The following FAM120B variants were observed in gnomAD, a reference collection of about 807,000 sequenced individuals.
FAM120B encodes the protein family with sequence similarity 120 member B.
FAM120B carries 83 observed loss-of-function variants against 96.3 expected under a neutral mutation model. That is an observed-to-expected ratio of 0.86 (90% confidence interval 0.72 to 1.03). The LOEUF is 1.03. Ranked by LOEUF, FAM120B falls within the 50% of genes least tolerant of loss-of-function variation. The pLI is 0.00. For synonymous variants in FAM120B, 407 were observed against 402.7 expected, an observed-to-expected ratio of 1.01 and a Z score of -0.13; for missense variants, 1,027 against 1,121.2, an observed-to-expected ratio of 0.92 and a Z score of 1.20.
upstream of FAM120B, among the ~76,000 whole-genome samples, chr6:170,303,768 T>C (rs1784191863): frequency 6.6e-6 from 1 of 152,272 alleles, no homozygotes. Context: ...AATTATCTTG[T>C]TATAATTACA....
Position 170,330,497 on chromosome 6 carries a change from G to A in FAM120B, c.1964G>A (p.Gly655Glu). The change falls in exon 4 of 11, where the codon GGG (glycine) becomes GAG (glutamate). Residue 655 changes from glycine to glutamate, a missense_variant. By Grantham distance (98) the Gly-to-Glu change is moderately conservative (BLOSUM62 -2). This residue lies in a region of FAM120B where 880 missense variants were observed against 980.9 expected (regional missense o/e 0.90). Coordinates refer to ENST00000476287, the MANE Select transcript of FAM120B (RefSeq NM_032448.3). Reference sequence around the variant, plus strand: ...GTCAAGGAGTGGTTTGTGTATCCTGGGAACCCACTGAGGCACCCGGACCTC... The same window carrying A: ...GTCAAGGAGTGGTTTGTGTATCCTGAGAACCCACTGAGGCACCCGGACCTC... ...LAVKEWFVYPGNPLRHPDLVR... is the reference protein window; with the variant it reads ...LAVKEWFVYPENPLRHPDLVR... 6.2e-7 allele frequency: 1 copy of A among 1,614,092 alleles called. No homozygotes were observed. The highest frequency in any genetic ancestry group is 1.3e-5 in the African/African-American group (1 of 75,006).
intron 4 of FAM120B, among the ~76,000 whole-genome samples, chr6:170,342,703 T>C (rs1330817804): frequency 6.6e-6 from 1 of 152,234 alleles, no homozygotes; most frequent in African/African-American, 2.4e-5. Context: ...CCTGTCCATC[T>C]GTTCACACAA....
At chr6:170,333,036 A>G (rs556573715) in intron 4 of FAM120B, among the ~76,000 whole-genome samples, 9 of 152,320 alleles carry the variant, frequency 5.9e-5, no homozygotes, top group African/African-American at 1.9e-4. Flanking sequence ...AAGGGTGCAG[A>G]AAAAAACTAT....
intron 2 of FAM120B, among the ~76,000 whole-genome samples, chr6:170,321,966 G>A (rs1203224207): frequency 6.6e-6 from 1 of 152,212 alleles, no homozygotes; most frequent in Admixed American, 6.5e-5. Flanking sequence ...ACATTTTAAT[G>A]CCTTTAGTAG....
intron 5 of FAM120B, among the ~76,000 whole-genome samples, chr6:170,355,916 G>A (rs763499288): frequency 2.6e-5 from 4 of 152,138 alleles, no homozygotes; most frequent in Admixed American, 6.6e-5. Flanking sequence ...AAAAATACAT[G>A]TGTTTTGTTC....
At chr6:170,379,874 A>C (rs1789802263) in intron 6 of FAM120B, among the ~76,000 whole-genome samples, 1 of 152,188 alleles carries the variant, frequency 6.6e-6, no homozygotes, top group Non-Finnish European at 1.5e-5. Context: ...AAGCACCTAA[A>C]GTCTACCCTC....
intron 6 of FAM120B, among the ~76,000 whole-genome samples, chr6:170,380,445 C>T (rs1009143932): frequency 3.9e-5 from 6 of 152,160 alleles, no homozygotes; most frequent in African/African-American, 1.4e-4. Flanking sequence ...TCTATAATGG[C>T]TGTGCCAATT....
At position 170,330,437 on chromosome 6, in the gene FAM120B, CTT is replaced by C; in HGVS notation, c.1916-8_1916-7del. ...CCCTCATGCATCTACTGACCCAACTCTTTTTCTTCAGATGTCACCAGCACCTG... is the reference window on the plus strand; with the variant it reads ...CCCTCATGCATCTACTGACCCAACTCTTTCTTCAGATGTCACCAGCACCTG... On this transcript the variant is annotated splice_polypyrimidine_tract_variant and intron_variant, in intron 3 of 10. Coordinates refer to ENST00000476287, the MANE Select transcript of FAM120B (RefSeq NM_032448.3). 2 of 1,612,264 alleles carry C rather than the reference CTT, an allele frequency of 1.2e-6. No homozygotes were observed. The highest frequency in any genetic ancestry group is 2.2e-5 in the East Asian group (1 of 44,858).
At chr6:170,334,714 A>G (rs1343367404) in intron 4 of FAM120B, among the ~76,000 whole-genome samples, 1 of 152,220 alleles carries the variant, frequency 6.6e-6, no homozygotes, top group Non-Finnish European at 1.5e-5. Context: ...GTTTTTCACC[A>G]ACTTGTAAAA....
chr6:170,368,944 C>A (rs553235496), intron 6 of FAM120B, among the ~76,000 whole-genome samples: 1 of 149,342 alleles, frequency 6.7e-6, no homozygotes, highest in Admixed American at 7.0e-5. Context: ...CCCACCCCCC[C>A]ACCATGAGCC....
In FAM120B at chr6:170,403,008, A is replaced by G. The variant is rs115443686; in HGVS notation, c.2693-1542A>G. Among the ~76,000 whole-genome samples, 334 of 152,312 alleles carry G rather than the reference A, an allele frequency of 2.2e-3. 2 individuals carry two copies. Among genetic ancestry groups the G allele is most frequent in the Middle Eastern group, 0.014 (4 of 294 alleles). On this transcript the variant is annotated intron_variant, in intron 9 of 10. Transcript: ENST00000476287. ...CAGAAAGTAGCTCTGGGAGACTCTT[A>G]GGTTAAAGGCAAAATTGAGATGTTA...
chr6:170,354,288 C>T lies in FAM120B; in HGVS notation c.2191-3938C>T, dbSNP rs529850143. ...AAATTAACTCAAGATGGATTAAAGA[C>T]TTAAATGTAAACCCAAAAATATAAA... On this transcript the variant is annotated intron_variant, in intron 5 of 10. Transcript: ENST00000476287. 1.1e-4 allele frequency among the ~76,000 whole-genome samples: 16 copies of T among 152,296 alleles called. No homozygotes were observed. The East Asian group carries it at 3.1e-3, about 29-fold the overall frequency.
intron 7 of FAM120B, among the ~76,000 whole-genome samples, chr6:170,389,216 C>A (rs753610213): frequency 3.3e-5 from 5 of 152,154 alleles, no homozygotes; most frequent in Non-Finnish European, 7.3e-5. Context: ...AATCTAAACA[C>A]AAAGTTCATG....
At position 170,318,933 on chromosome 6, in the gene FAM120B, A is replaced by G. The variant is rs1402962770; in HGVS notation, c.1543A>G (p.Ile515Val). ...KQEVPICTDP[I>V]SKQEDSMCTH... ...GGAAGTTCCCATATGTACAGATCCT[A>G]TATCCAAGCAAGAAGACTCCATGTG... Residue 515 changes from isoleucine (I) to valine (V), a missense_variant, in exon 2 of 11, where the codon ATA becomes GTA. This residue lies in a region of FAM120B where 880 missense variants were observed against 980.9 expected (regional missense o/e 0.90). Coordinates refer to ENST00000476287, the MANE Select transcript of FAM120B (RefSeq NM_032448.3). The G allele has an allele frequency of 4.3e-6, 7 of 1,614,084 alleles. No individual in the cohort carries two copies. The highest frequency in any genetic ancestry group is 2.2e-5 in the East Asian group (1 of 44,898).
At chr6:170,303,963 T>C (rs1162392271), upstream of FAM120B, among the ~76,000 whole-genome samples, 1 of 152,220 alleles carries the variant, frequency 6.6e-6, no homozygotes, top group Non-Finnish European at 1.5e-5. Context: ...TTCACTTCCT[T>C]CTGGAAACAT....
intron 9 of FAM120B, among the ~76,000 whole-genome samples, chr6:170,400,649 A>C (rs1197418684): frequency 1.3e-5 from 2 of 152,188 alleles, no homozygotes; most frequent in South Asian, 4.1e-4. Context: ...GATCGTGGCC[A>C]CTTCTTCCAA....
Position 170,358,268 on chromosome 6 carries a change from C to T in FAM120B, c.2233C>T (p.Gln745Ter). 1.2e-6 allele frequency: 2 copies of T among 1,607,268 alleles called. No individual in the cohort carries two copies. The highest frequency in any genetic ancestry group is 1.7e-6 in the Non-Finnish European group (2 of 1,175,636). The change falls in exon 6 of 11, where the codon CAG becomes TAG. Residue 745 changes from glutamine (Q) to a stop codon, truncating the protein, a stop_gained. Transcript: ENST00000476287. LOFTEE classifies it high-confidence loss of function. ...CLEDLHAFIA[Q>*]ALCLQGKSTS... ...GGAGGATTTGCATGCGTTTATTGCG[C>T]AGGCCTTGTGCCTCCAAGGAAAATC... is the stretch of plus-strand genomic sequence containing the variant.
chr6:170,298,310 AT>A (rs1784067311), intron 1 of FAM120B: 1 of 152,216 alleles, frequency 6.6e-6, no homozygotes, highest in African/African-American at 2.4e-5. Flanking sequence ...AAGGAACAAA[AT>A]TTAGGCAAGT....
At chr6:170,337,057 C>T (rs1024255817) in intron 4 of FAM120B, among the ~76,000 whole-genome samples, 3 of 152,162 alleles carry the variant, frequency 2.0e-5, no homozygotes, top group African/African-American at 7.2e-5. Context: ...CTGGACAGAA[C>T]TTCCAATACT....
Sources: allele counts gnomAD v4.1 joint callset (sites outside exome capture counted in the v4.1 genomes callset), GRCh38; gene constraint gnomAD v4.1.1; regional missense constraint gnomAD v4.1.1; transcripts MANE v1.5; gene names NCBI Gene and HGNC (gene_info 2026-07-23, HGNC 2026-07-21).